C14orf39: variants seen among roughly 807,000 people sequenced by gnomAD.
C14orf39 encodes the protein chromosome 14 open reading frame 39, also known as protein SIX6OS1.
Under a neutral mutation model 85.6 loss-of-function variants are expected in C14orf39, and 66 were observed. That is an observed-to-expected ratio of 0.77 (90% CI 0.63 to 0.95). The LOEUF (loss-of-function observed/expected upper bound fraction) is 0.95. Among genes scored for constraint, C14orf39 ranks in the 40% least tolerant of loss-of-function variants. The pLI is 0.00. For missense variants in C14orf39, 735 were observed against 663.9 expected (o/e 1.11, Z -1.18); for synonymous variants, 242 against 214.0 (o/e 1.13, Z -1.14).
chr14:60,473,676 T>C lies in C14orf39; in HGVS notation c.324-1937A>G, dbSNP rs1178187386. On this transcript the variant is annotated intron_variant, in intron 5 of 17. Coordinates refer to ENST00000321731, the MANE Select transcript of C14orf39 (RefSeq NM_174978.3). ...AAATAGGGAATCCTTTCCCCATTTCTTGTTTTTGTCAGGGTTGTCAAAGAT... is the reference window on the plus strand; with the variant it reads ...AAATAGGGAATCCTTTCCCCATTTCCTGTTTTTGTCAGGGTTGTCAAAGAT... 2.6e-5 allele frequency among the ~76,000 whole-genome samples: 4 copies of C among 152,238 alleles called. No homozygotes were observed. In the East Asian group the frequency reaches 7.7e-4, roughly 29 times the overall value.
intron 5 of C14orf39, among the ~76,000 whole-genome samples, chr14:60,476,138 G>A (rs987335601): frequency 6.6e-6 from 1 of 152,120 alleles, no homozygotes; most frequent in Non-Finnish European, 1.5e-5. Flanking sequence ...TCCTCTAAAC[G>A]CATATTTGCT....
upstream of C14orf39, among the ~76,000 whole-genome samples, chr14:60,489,500 A>T (rs577853995): frequency 6.6e-6 from 1 of 152,356 alleles, no homozygotes; most frequent in East Asian, 1.9e-4. Flanking sequence ...AAGACATTGG[A>T]ATGAAACTTC....
intron 5 of C14orf39, among the ~76,000 whole-genome samples, chr14:60,473,057 C>G (rs1179944016): frequency 1.3e-5 from 2 of 152,176 alleles, no homozygotes; most frequent in Non-Finnish European, 2.9e-5. Flanking sequence ...CACATCCTCT[C>G]CAGCACCTGT....
chr14:60,484,379 C>T lies in C14orf39; in HGVS notation c.106+502G>A, dbSNP rs374887537. 1.3e-5 allele frequency among the ~76,000 whole-genome samples: 2 copies of T among 151,972 alleles called. No individual in the cohort carries two copies. The highest frequency in any genetic ancestry group is 2.9e-5 in the Non-Finnish European group (2 of 67,976). ...ATAACCAAACTCTACCTTTTCAGAA[C>T]GATGAAGAAATTTAGAACTCTATTT... On this transcript the variant is annotated intron_variant, in intron 3 of 17. Transcript: ENST00000321731. This position sits in a 1 kb window ranked among gnomAD's most constrained non-coding sequence, Gnocchi z 4.2.
In C14orf39 at chr14:60,491,955, C is replaced by T; in HGVS notation, c.-8-6869G>A. Among the ~76,000 whole-genome samples the T allele has an allele frequency of 6.6e-6, 1 of 152,090 alleles. No homozygotes were observed. Among genetic ancestry groups the T allele is most frequent in the Non-Finnish European group, 1.5e-5 (1 of 68,016 alleles). The stretch of plus-strand genomic sequence containing the variant: ...ATTTATTTTTCAACAGACAGCATCA[C>T]CAGGTACAACTACAGGTGCTTCCCT... On this transcript the variant is annotated intron_variant, in intron 2 of 5. Coordinates refer to the C14orf39 transcript ENST00000556799. This position sits in a 1 kb window ranked among gnomAD's most constrained non-coding sequence, Gnocchi z 4.5.
rs965040223 is a variant in C14orf39 at position 60,481,932 on chromosome 14, G to A, written c.233+1759C>T. On this transcript the variant is annotated intron_variant, in intron 4 of 17. Transcript: ENST00000321731. ...GGGTATTTTTCTTTTTAATTTGTGT[G>A]CAGTCATATTTATCCATCATTTCCT... 1.6e-4 allele frequency among the ~76,000 whole-genome samples: 24 copies of A among 151,898 alleles called. 1 individual carries two copies.
chr14:60,474,260 G>C (rs1164713912), intron 5 of C14orf39, among the ~76,000 whole-genome samples: 1 of 152,198 alleles, frequency 6.6e-6, no homozygotes, highest in Non-Finnish European at 1.5e-5. Context: ...TGTATCCTGA[G>C]ACTTTGCTGA....
In C14orf39 at chr14:60,483,674, T is replaced by A. The variant is rs765588312; in HGVS notation, c.233+17A>T. On this transcript the variant is annotated intron_variant, in intron 4 of 17. Transcript: ENST00000321731. ...AATAAAAGAATGCAATGAAAATTGA[T>A]TCTTTCAAATACTCACTTTCTACAG... is the stretch of plus-strand genomic sequence containing the variant. 1 of 1,569,096 alleles carries A rather than the reference T, an allele frequency of 6.4e-7. No individual in the cohort carries two copies. The highest frequency in any genetic ancestry group is 8.6e-7 in the Non-Finnish European group (1 of 1,160,818).
At chr14:60,465,892 ACG>A in intron 11 of C14orf39, 85 bp downstream of exon 11, 1 of 532,316 alleles carries the variant, frequency 1.9e-6, no homozygotes, top group Non-Finnish European at 3.2e-6. Context: ...ACACACACAC[ACG>A]TCTGTGTCTT....
At chr14:60,480,315 G>A (rs545873697) in intron 4 of C14orf39, among the ~76,000 whole-genome samples, 7 of 152,220 alleles carry the variant, frequency 4.6e-5, no homozygotes, top group Non-Finnish European at 7.4e-5. Flanking sequence ...CCAGCTACTC[G>A]GAAGGCTGAG....
chr14:60,464,244 CAT>C (rs1213842011), intron 11 of C14orf39, among the ~76,000 whole-genome samples: 2 of 152,122 alleles, frequency 1.3e-5, no homozygotes, highest in Non-Finnish European at 2.9e-5. Flanking sequence ...GAAAAGAAAA[CAT>C]AGATGAAGCT....
chr14:60,456,547 T>C (rs893211322), intron 15 of C14orf39, among the ~76,000 whole-genome samples: 2 of 151,880 alleles, frequency 1.3e-5, no homozygotes, highest in Non-Finnish European at 2.9e-5. Flanking sequence ...CATGCCACTA[T>C]GCTAGGCTTA....
chr14:60,450,885 T>C (rs1255366211), intron 16 of C14orf39, among the ~76,000 whole-genome samples: 1 of 152,164 alleles, frequency 6.6e-6, no homozygotes, highest in East Asian at 1.9e-4. Context: ...CCAGATCTTA[T>C]CCAAGACCAC....
At chr14:60,480,730 T>C (rs1341288138) in intron 4 of C14orf39, among the ~76,000 whole-genome samples, 1 of 151,804 alleles carries the variant, frequency 6.6e-6, no homozygotes, top group Non-Finnish European at 1.5e-5. Flanking sequence ...TGATGGATAA[T>C]GAAAGTGTGG....
At position 60,485,040 on chromosome 14, in the gene C14orf39, CAA is replaced by C; in HGVS notation, c.37_38del (p.Leu13AlafsTer8). On this transcript the variant is annotated frameshift_variant, in exon 2 of 18. Coordinates refer to ENST00000321731, the MANE Select transcript of C14orf39 (RefSeq NM_174978.3). LOFTEE classifies it high-confidence loss of function. ...TCACTTTATACCTACCAAATTCTAGCAAAAGTCTGTCCAAACTGACAAACAGG... is the reference window on the plus strand; with the variant it reads ...TCACTTTATACCTACCAAATTCTAGCAAGTCTGTCCAAACTGACAAACAGG... ...DSLFVSLDRL[L>X]LEFVFQYEQD... The C allele has an allele frequency of 1.2e-6, 2 of 1,609,182 alleles. No homozygotes were observed. Among genetic ancestry groups the C allele is most frequent in the Non-Finnish European group, 1.7e-6 (2 of 1,179,038 alleles).
chr14:60,512,016 TATGTACCTATACAAAC>T (rs1893302583), intron 1 of C14orf39: 1 of 3,750 alleles, frequency 2.7e-4, no homozygotes, highest in Non-Finnish European at 1.9e-3. Flanking sequence ...TGCATATATG[TATGTACCTATACAAAC>T]ATATGTATGT....
At chr14:60,498,325 C>T (rs771059453) in intron 2 of C14orf39, among the ~76,000 whole-genome samples, 20 of 152,218 alleles carry the variant, frequency 1.3e-4, no homozygotes, top group Non-Finnish European at 2.6e-4. Context: ...TAATTAAGCA[C>T]AGACATTTCT....
intron 16 of C14orf39, among the ~76,000 whole-genome samples, chr14:60,452,932 T>C (rs758103850): frequency 3.3e-5 from 5 of 152,202 alleles, no homozygotes; most frequent in Non-Finnish European, 7.4e-5. Context: ...CATACTCTGA[T>C]TTCAATCCTT....
chr14:60,436,814 A>G lies in C14orf39; in HGVS notation c.*31T>C. On this transcript the variant is annotated 3_prime_UTR_variant, in exon 18 of 18. Coordinates refer to ENST00000321731, the MANE Select transcript of C14orf39 (RefSeq NM_174978.3). ...ATTTATGCCCTCATGAACACAGAAC[A>G]GTAAAATAATTTAAGGAATTAATGA... The G allele has an allele frequency of 6.8e-7, 1 of 1,463,708 alleles. No individual in the cohort carries two copies. Among genetic ancestry groups the G allele is most frequent in the African/African-American group, 1.4e-5 (1 of 70,974 alleles). 90.7% of individuals were successfully genotyped at this position (1,463,708 alleles called of 1,614,324 possible).
Sources: gnomAD v4.1 joint callset for allele counts (sites outside exome capture counted in the v4.1 genomes callset) on GRCh38, gnomAD v4.1.1 for gene constraint, Gnocchi (gnomAD v3.1) non-coding constraint, MANE v1.5 for transcripts, NCBI Gene and HGNC (gene_info 2026-07-23, HGNC 2026-07-21) for gene names.